GRIN3A: variants seen among roughly 807,000 people sequenced by gnomAD.
GRIN3A encodes glutamate receptor ionotropic, NMDA 3A.
GRIN3A carries 47 observed loss-of-function variants against 92.4 expected under a neutral mutation model. The ratio of observed to expected loss-of-function variants is 0.51; its 90% CI spans 0.40 to 0.65. The LOEUF is 0.65. GRIN3A is among the 30% of genes least tolerant of loss of function. The pLI, the probability that GRIN3A is intolerant of heterozygous loss-of-function variation, is 0.00. For missense variants in GRIN3A, 1,324 were observed against 1,393.1 expected (o/e 0.95, Z 0.79); for synonymous variants, 527 against 540.6 (o/e 0.97, Z 0.35).
chr9:101,716,388 C>T (rs1397042548), intron 1 of GRIN3A, among the ~76,000 whole-genome samples: 1 of 152,158 alleles, frequency 6.6e-6, no homozygotes, highest in Non-Finnish European at 1.5e-5. Flanking sequence ...TGTCATTAAT[C>T]CACTTGATAT....
intron 1 of GRIN3A, among the ~76,000 whole-genome samples, chr9:101,705,142 T>A (rs1829797451): frequency 6.6e-6 from 1 of 152,036 alleles, no homozygotes; most frequent in Non-Finnish European, 1.5e-5. Context: ...AAGTTGCATT[T>A]CCAAGACCAC....
At chr9:101,574,388 C>T (rs562559064) in intron 8 of GRIN3A, among the ~76,000 whole-genome samples, 4 of 152,200 alleles carry the variant, frequency 2.6e-5, no homozygotes, top group African/African-American at 9.6e-5. Context: ...TTTTTTCCAC[C>T]ATAGGAGAAG....
rs41273935 is a variant in GRIN3A at position 101,737,335 on chromosome 9, G to A, written c.645C>T (p.Val215=). The change falls in exon 1 of 9, where the codon GTC becomes GTT. Residue 215 remains valine (V), a synonymous_variant. Transcript: ENST00000361820. ...EMMELDLVSL[V]LHIPVISIVR... ...CGATGCTGATCACTGGAATGTGCAG[G>A]ACTAAGCTGACCAAGTCGAGCTCCA... is the stretch of plus-strand genomic sequence containing the variant. 25,256 of 1,614,168 alleles carry A rather than the reference G, an allele frequency of 0.016. 244 individuals carry two copies. Among genetic ancestry groups the A allele is most frequent in the Non-Finnish European group, 0.018 (21,682 of 1,180,022 alleles).
intron 1 of GRIN3A, among the ~76,000 whole-genome samples, chr9:101,705,539 G>A (rs1564148907): frequency 1.3e-5 from 2 of 152,188 alleles, no homozygotes; most frequent in East Asian, 1.9e-4. Flanking sequence ...GTTAACAGCC[G>A]TCCCTGGATG....
chr9:101,579,080 C>T, intron 7 of GRIN3A, 116 bp downstream of exon 7: 1 of 1,053,926 alleles, frequency 9.5e-7, no homozygotes, highest in Non-Finnish European at 1.5e-6. Context: ...AGTGCCTACC[C>T]CACCCTCGTT....
intron 1 of GRIN3A, among the ~76,000 whole-genome samples, chr9:101,725,847 C>A (rs1286931448): frequency 6.6e-6 from 1 of 152,186 alleles, no homozygotes; most frequent in South Asian, 2.1e-4. Flanking sequence ...ATGGGTCACT[C>A]CTTACTTCAT....
At chr9:101,621,027 G>A (rs982221608) in intron 5 of GRIN3A, among the ~76,000 whole-genome samples, 1 of 152,134 alleles carries the variant, frequency 6.6e-6, no homozygotes, top group Non-Finnish European at 1.5e-5. Context: ...GCTCACGCCT[G>A]TAATCCCAGC....
At chr9:101,720,566 T>C (rs764257135) in intron 1 of GRIN3A, among the ~76,000 whole-genome samples, 3 of 152,174 alleles carry the variant, frequency 2.0e-5, no homozygotes, top group Non-Finnish European at 2.9e-5. Context: ...TGCTATACAA[T>C]GGGTCAAATA....
chr9:101,639,708 A>G, intron 3 of GRIN3A, among the ~76,000 whole-genome samples: 1 of 152,226 alleles, frequency 6.6e-6, no homozygotes, highest in East Asian at 1.9e-4. Context: ...TAGATAACTC[A>G]GAAGGATTAA....
intron 3 of GRIN3A, among the ~76,000 whole-genome samples, chr9:101,656,274 G>A (rs1829087703): frequency 6.6e-6 from 1 of 151,910 alleles, no homozygotes; most frequent in Non-Finnish European, 1.5e-5. Flanking sequence ...AGATAATTGT[G>A]TAGGTCCATT....
chr9:101,618,127 G>A (rs1316754938), intron 5 of GRIN3A, among the ~76,000 whole-genome samples: 1 of 151,270 alleles, frequency 6.6e-6, no homozygotes, highest in Non-Finnish European at 1.5e-5. Context: ...CATAGGCATG[G>A]GCAAGGACTT....
chr9:101,659,866 G>A (rs1235043000), intron 3 of GRIN3A, among the ~76,000 whole-genome samples: 2 of 151,836 alleles, frequency 1.3e-5, no homozygotes, highest in African/African-American at 2.4e-5. Context: ...GTTCTGTAAA[G>A]ATGCCACCTC....
At chr9:101,644,923 G>T (rs1359956346) in intron 3 of GRIN3A, among the ~76,000 whole-genome samples, 2 of 151,788 alleles carry the variant, frequency 1.3e-5, no homozygotes, top group Non-Finnish European at 2.9e-5. Context: ...GTGATATTTT[G>T]AGACATGCAT....
chr9:101,656,687 C>T (rs1044671201), intron 3 of GRIN3A, among the ~76,000 whole-genome samples: 4 of 151,898 alleles, frequency 2.6e-5, no homozygotes, highest in African/African-American at 9.7e-5. Flanking sequence ...GTTGCCAGAA[C>T]TGCTTGTCCT....
chr9:101,647,617 C>G (rs933694534), intron 3 of GRIN3A, among the ~76,000 whole-genome samples: 2 of 151,958 alleles, frequency 1.3e-5, no homozygotes, highest in Non-Finnish European at 2.9e-5. Context: ...GTGAAATTGT[C>G]AGCTCCTGGG....
intron 1 of GRIN3A, among the ~76,000 whole-genome samples, chr9:101,690,848 A>T (rs1268245580): frequency 1.3e-5 from 2 of 152,150 alleles, no homozygotes; most frequent in African/African-American, 4.8e-5. Flanking sequence ...AGGAAATAGG[A>T]TATTAGAATT....
chr9:101,679,401 T>C (rs1829439954), intron 2 of GRIN3A, among the ~76,000 whole-genome samples: 1 of 152,202 alleles, frequency 6.6e-6, no homozygotes, highest in Non-Finnish European at 1.5e-5. Flanking sequence ...AAATTTGAGC[T>C]GTATTCATCA....
intron 4 of GRIN3A, among the ~76,000 whole-genome samples, chr9:101,626,157 G>C (rs1411851906): frequency 1.3e-5 from 2 of 152,048 alleles, no homozygotes; most frequent in South Asian, 4.1e-4. Flanking sequence ...GGCCCCCAAT[G>C]GTTATTTCTA....
chr9:101,621,162 G>A (rs566890799), intron 5 of GRIN3A, among the ~76,000 whole-genome samples: 16 of 151,848 alleles, frequency 1.1e-4, no homozygotes, highest in African/African-American at 3.6e-4. Context: ...GTGGGCACCT[G>A]TAATCCCAGC....
Sources: gnomAD v4.1 joint callset for allele counts (sites outside exome capture counted in the v4.1 genomes callset) on GRCh38, gnomAD v4.1.1 for gene constraint, MANE v1.5 for transcripts, NCBI Gene and HGNC (gene_info 2026-07-23, HGNC 2026-07-21) for gene names.